The following RSPRY1 variants were observed in gnomAD, a reference collection of about 807,000 sequenced individuals.
The protein encoded by RSPRY1 is ring finger and SPRY domain containing 1.
Under a neutral mutation model 73.1 loss-of-function variants are expected in RSPRY1, and 23 were observed. The ratio of observed to expected loss-of-function variants is 0.31; its 90% confidence interval spans 0.23 to 0.45. RSPRY1 has a LOEUF of 0.45. Among genes scored for constraint, RSPRY1 ranks in the 20% least tolerant of loss-of-function variants. RSPRY1 has a pLI of 1.00. For missense variants in RSPRY1, 448 were observed against 698.7 expected, an observed-to-expected ratio of 0.64 and a Z score of 4.05; for synonymous variants, 226 against 251.4, an observed-to-expected ratio of 0.90 and a Z score of 0.95.
chr16:57,238,856 G>T, intron 14 of RSPRY1, 23 bp from the exon 15 acceptor site: 1 of 1,462,066 alleles, frequency 6.8e-7, no homozygotes, highest in South Asian at 1.4e-5. Context: ...TAACTTGACT[G>T]ACTTTTCTGT....
intron 1 of RSPRY1, among the ~76,000 whole-genome samples, chr16:57,200,620 C>A (rs1206499787): frequency 1.5e-3 from 220 of 143,202 alleles, no homozygotes; most frequent in Non-Finnish European, 2.7e-3. Flanking sequence ...CGGGCAGAGG[C>A]GCCCCTCACC....
At chr16:57,192,733 T>C (rs2146162778) in intron 1 of RSPRY1, among the ~76,000 whole-genome samples, 1 of 146,878 alleles carries the variant, frequency 6.8e-6, no homozygotes, top group Non-Finnish European at 1.5e-5. Flanking sequence ...TTTTTTAAGG[T>C]CTCACTCTGT....
intron 10 of RSPRY1, 42 bp from the exon 11 acceptor site, chr16:57,227,300 G>A: frequency 3.7e-6 from 5 of 1,354,202 alleles, no homozygotes; most frequent in Non-Finnish European, 5.3e-6. Flanking sequence ...CCAGGTCAGA[G>A]CAGGCAGACT....
At chr16:57,235,284 T>A (rs1212655926) in intron 14 of RSPRY1, 56 bp downstream of exon 14, 12 of 1,247,506 alleles carry the variant, frequency 9.6e-6, no homozygotes, top group Non-Finnish European at 1.3e-5. Context: ...GCTAGTTCCA[T>A]GGCTGTTCGT....
intron 11 of RSPRY1, among the ~76,000 whole-genome samples, chr16:57,230,103 C>T (rs1482193040): frequency 1.3e-5 from 2 of 150,470 alleles, no homozygotes; most frequent in Non-Finnish European, 3.0e-5. Flanking sequence ...CTCCGCCTCC[C>T]GGATTCAAGT....
chr16:57,191,634 T>G (rs2074353518), intron 1 of RSPRY1, among the ~76,000 whole-genome samples: 1 of 152,190 alleles, frequency 6.6e-6, no homozygotes, highest in Admixed American at 6.6e-5. Context: ...TAACTTCATC[T>G]TTATCAATTT....
chr16:57,214,546 T>G (rs986709454), intron 6 of RSPRY1, among the ~76,000 whole-genome samples: 5 of 152,228 alleles, frequency 3.3e-5, no homozygotes, highest in Non-Finnish European at 7.3e-5. Context: ...AAAACCCTTA[T>G]TTGTCAATAC....
At chr16:57,205,161 G>A (rs770023638) in intron 2 of RSPRY1, 153 bp downstream of exon 2, 1 of 602,518 alleles carries the variant, frequency 1.7e-6, no homozygotes, top group Non-Finnish European at 2.9e-6. Flanking sequence ...GCTGATGGCA[G>A]AGTAAATGAT....
upstream of RSPRY1, chr16:57,186,178 C>A: frequency 1.3e-5 from 13 of 985,774 alleles, no homozygotes; most frequent in Non-Finnish European, 1.6e-5. Flanking sequence ...GAGGACTGGC[C>A]AGTCTGCGCC....
In RSPRY1 at chr16:57,217,063, T is replaced by C. The variant is rs1293574946; in HGVS notation, c.901+28T>C. ...AAGTGGGAGTTGTCCTTTATTAAAA[T>C]GTCCGTTTCCATTTCCAGACTCATT... On this transcript the variant is annotated intron_variant, in intron 8 of 14. Coordinates refer to ENST00000394420, the MANE Select transcript of RSPRY1 (RefSeq NM_133368.3). 8.7e-6 allele frequency: 14 copies of C among 1,613,578 alleles called. No individual in the cohort carries two copies. The South Asian group carries it at 1.1e-4, about 13-fold the overall frequency.
At chr16:57,236,159 G>A (rs2075296933) in intron 14 of RSPRY1, among the ~76,000 whole-genome samples, 1 of 152,182 alleles carries the variant, frequency 6.6e-6, no homozygotes, top group Admixed American at 6.5e-5. Context: ...ACAGACAGAT[G>A]CAGAGTTTAA....
intron 1 of RSPRY1, among the ~76,000 whole-genome samples, chr16:57,195,483 G>A (rs2074424203): frequency 6.6e-6 from 1 of 152,162 alleles, no homozygotes; most frequent in Non-Finnish European, 1.5e-5. Flanking sequence ...TTACACTCCA[G>A]TCTGGGCAAT....
chr16:57,191,654 G>A (rs146293193), intron 1 of RSPRY1, among the ~76,000 whole-genome samples: 161 of 151,936 alleles, frequency 1.1e-3, no homozygotes, highest in African/African-American at 3.6e-3. Flanking sequence ...TAATTTATAG[G>A]TTTTTTTGTT....
intron 1 of RSPRY1, among the ~76,000 whole-genome samples, chr16:57,196,107 C>T (rs568145926): frequency 4.0e-5 from 6 of 150,122 alleles, no homozygotes; most frequent in East Asian, 2.0e-4. Context: ...TTTTCTATTC[C>T]GTTCAGTCTC....
rs2075350717 is a variant in RSPRY1 at position 57,239,639 on chromosome 16, G to C, written c.*664G>C. ...TTTTTTTTTTTTACTGCAGAAAATTGGTGGTATTTTCACATTCATAGTGTT... is the reference window on the plus strand; with the variant it reads ...TTTTTTTTTTTTACTGCAGAAAATTCGTGGTATTTTCACATTCATAGTGTT... On this transcript the variant is annotated 3_prime_UTR_variant, in exon 15 of 15. Transcript: ENST00000394420. 1.3e-5 allele frequency: 2 copies of C among 150,638 alleles called. No individual in the cohort carries two copies. Among genetic ancestry groups the C allele is most frequent in the Admixed American group, 1.3e-4 (2 of 15,132 alleles). The allele number at this position is 150,638 out of a possible 1,614,324, so 9.3% of individuals were successfully genotyped here.
intron 6 of RSPRY1, among the ~76,000 whole-genome samples, chr16:57,214,390 A>G (rs2074901089): frequency 2.0e-5 from 3 of 152,152 alleles, no homozygotes; most frequent in Non-Finnish European, 4.4e-5. Flanking sequence ...GGAATATTTA[A>G]TATATTGTCT....
rs756171037 is a variant in RSPRY1 at position 57,204,758 on chromosome 16, G to A, written c.100G>A (p.Gly34Arg). The change falls in exon 2 of 15, where the codon GGA becomes AGA. Residue 34 changes from glycine to arginine, a missense_variant. Physicochemically the swap from Gly to Arg is moderately radical, Grantham distance 125 (BLOSUM62 -2). Coordinates refer to ENST00000394420, the MANE Select transcript of RSPRY1 (RefSeq NM_133368.3). The stretch of plus-strand genomic sequence containing the variant: ...GCACATAGCCCACTTCCTAGGGACT[G>A]GAGGTGCCGCTACTACCATGGGTAA... ...EEHIAHFLGT[G>R]GAATTMGNSC... 1.9e-6 allele frequency: 3 copies of A among 1,614,214 alleles called. No homozygotes were observed. Among genetic ancestry groups the A allele is most frequent in the Admixed American group, 3.3e-5 (2 of 60,028 alleles).
rs2074784891 is a variant in RSPRY1 at position 57,209,065 on chromosome 16, T to G, written c.404-10T>G. 6.4e-7 allele frequency: 1 copy of G among 1,557,802 alleles called. No homozygotes were observed. The highest frequency in any genetic ancestry group is 1.4e-5 in the African/African-American group (1 of 73,536). ...GACTCCATCATATAATCTTCTTGAT[T>G]TGCTCTTAGATGAAGGATGGTTGGA... On this transcript the variant is annotated splice_polypyrimidine_tract_variant and intron_variant, in intron 3 of 14. Coordinates refer to ENST00000394420, the MANE Select transcript of RSPRY1 (RefSeq NM_133368.3).
At chr16:57,233,623 G>T (rs1424099426) in intron 13 of RSPRY1, among the ~76,000 whole-genome samples, 1 of 152,126 alleles carries the variant, frequency 6.6e-6, no homozygotes, top group Non-Finnish European at 1.5e-5. Context: ...GCCTGCCTCG[G>T]CCTCCCAAAG....
Sources: allele counts gnomAD v4.1 joint callset (sites outside exome capture counted in the v4.1 genomes callset), GRCh38; gene constraint gnomAD v4.1.1; transcripts MANE v1.5; gene names NCBI Gene and HGNC (gene_info 2026-07-23, HGNC 2026-07-21).